CPSF6: variants seen among roughly 807,000 people sequenced by gnomAD.
The protein encoded by CPSF6 is cleavage and polyadenylation specificity factor subunit 6.
CPSF6 carries 10 observed loss-of-function variants against 56.7 expected under a neutral mutation model. The ratio of observed to expected loss-of-function variants is 0.18; its 90% CI spans 0.11 to 0.30. The LOEUF (loss-of-function observed/expected upper bound fraction) is 0.30, where lower values mean the gene tolerates loss of function less well. CPSF6 is among the 10% of genes least tolerant of loss of function. The pLI is 1.00. For missense variants in CPSF6, 419 were observed against 722.9 expected (o/e 0.58, Z 4.82); for synonymous variants, 248 against 244.8 (o/e 1.01, Z -0.12).
intron 1 of CPSF6, among the ~76,000 whole-genome samples, chr12:69,250,568 A>G (rs1304353772): frequency 6.9e-6 from 1 of 144,296 alleles, no homozygotes; most frequent in African/African-American, 2.6e-5. Context: ...AGCGTGGGCA[A>G]TGTAGCGAGA....
intron 9 of CPSF6, among the ~76,000 whole-genome samples, chr12:69,264,816 A>C (rs1025589794): frequency 2.1e-4 from 32 of 152,284 alleles, no homozygotes; most frequent in African/African-American, 7.2e-4. Flanking sequence ...GCTATCTGCA[A>C]ATTTGATCAC....
chr12:69,243,711 A>C (rs1871743072), intron 1 of CPSF6, among the ~76,000 whole-genome samples: 1 of 152,224 alleles, frequency 6.6e-6, no homozygotes, highest in African/African-American at 2.4e-5. Context: ...AGAGTCAGCA[A>C]GTGAGTGGTG....
intron 1 of CPSF6, among the ~76,000 whole-genome samples, chr12:69,248,016 C>T (rs1872005876): frequency 6.6e-6 from 1 of 152,172 alleles, no homozygotes; most frequent in African/African-American, 2.4e-5. Flanking sequence ...CGTACTACAA[C>T]CACTTGGAAG....
Position 69,258,176 on chromosome 12 carries a change from T to TA in CPSF6, c.694+272dup, listed in dbSNP as rs1872588753. The TA allele has an allele frequency of 1.7e-6, 2 of 1,170,064 alleles. No individual in the cohort carries two copies. The highest frequency in any genetic ancestry group is 5.1e-5 in the East Asian group (2 of 39,150). The allele number at this position is 1,170,064 out of a possible 1,614,324, so 72.5% of individuals were successfully genotyped here. On this transcript the variant is annotated intron_variant, in intron 5 of 9. Coordinates refer to ENST00000435070, the MANE Select transcript of CPSF6 (RefSeq NM_007007.3). The surrounding 1 kb of genome is among the most constrained non-coding windows in gnomAD (Gnocchi z 4.2). ...TATTTTTCTCCAAACTTGCTTGACT[T>TA]ATATATAGAATATTTACATCCGTCT...
In CPSF6 at chr12:69,269,351, C is replaced by T. The variant is rs139753741; in HGVS notation, c.*4-161C>T. ...TCATCAGGTAAATTGGAACATTTCA[C>T]CACCACAAAGGCAGCTACTGTTTCA... On this transcript the variant is annotated intron_variant, in intron 9 of 9. Coordinates refer to ENST00000435070, the MANE Select transcript of CPSF6 (RefSeq NM_007007.3). Among the ~76,000 whole-genome samples, 76 of 151,928 alleles carry T rather than the reference C, an allele frequency of 5.0e-4. No homozygotes were observed. In the East Asian group the frequency reaches 0.013, roughly 27 times the overall value.
chr12:69,249,488 G>A (rs1872120681), intron 1 of CPSF6, among the ~76,000 whole-genome samples: 1 of 151,994 alleles, frequency 6.6e-6, no homozygotes, highest in South Asian at 2.1e-4. Flanking sequence ...CTCCATATGT[G>A]CCATTTGTAT....
At chr12:69,261,546 CAGAG>C (rs145743607) in intron 8 of CPSF6, among the ~76,000 whole-genome samples, 3 of 149,720 alleles carry the variant, frequency 2.0e-5, no homozygotes, top group Admixed American at 6.7e-5. Flanking sequence ...GCCTGGGTGA[CAGAG>C]AGAGAGAGAG....
At chr12:69,245,337 AC>A (rs1871842629) in intron 1 of CPSF6, among the ~76,000 whole-genome samples, 1 of 152,186 alleles carries the variant, frequency 6.6e-6, no homozygotes, top group Non-Finnish European at 1.5e-5. Context: ...TAATCTGACC[AC>A]CTGGACCAAA....
chr12:69,244,295 G>A (rs1871775880), intron 1 of CPSF6, among the ~76,000 whole-genome samples: 1 of 152,040 alleles, frequency 6.6e-6, no homozygotes, highest in African/African-American at 2.4e-5. Context: ...AAGTGCAGTG[G>A]CGCGATCTTG....
chr12:69,251,122 A>G lies in CPSF6; in HGVS notation c.61-7A>G. On this transcript the variant is annotated splice_polypyrimidine_tract_variant and splice_region_variant and intron_variant, in intron 1 of 9. Transcript: ENST00000435070. ...GTATAATCTAGAGCATTATTTCTGT[A>G]TCTCAGGAAGCTGAATATGGTGGGC... 1.2e-6 allele frequency: 2 copies of G among 1,605,422 alleles called. No homozygotes were observed. Among genetic ancestry groups the G allele is most frequent in the Non-Finnish European group, 1.7e-6 (2 of 1,173,742 alleles).
Position 69,273,970 on chromosome 12 carries a change from A to G in CPSF6, c.*4462A>G, listed in dbSNP as rs1039304741. ...TGTATCATTTTACCAATATCCACGAATTACTGATCACAGTTTGTAAATAAT... is the reference window on the plus strand; with the variant it reads ...TGTATCATTTTACCAATATCCACGAGTTACTGATCACAGTTTGTAAATAAT... On this transcript the variant is annotated 3_prime_UTR_variant, in exon 10 of 10. Coordinates refer to ENST00000435070, the MANE Select transcript of CPSF6 (RefSeq NM_007007.3). 1.3e-5 allele frequency: 2 copies of G among 152,010 alleles called. No homozygotes were observed. The highest frequency in any genetic ancestry group is 2.9e-5 in the Non-Finnish European group (2 of 67,886). The allele number at this position is 152,010 out of a possible 1,614,324, so 9.4% of individuals were successfully genotyped here.
chr12:69,266,246 A>G (rs747858788), intron 9 of CPSF6, among the ~76,000 whole-genome samples: 7 of 151,846 alleles, frequency 4.6e-5, no homozygotes, highest in African/African-American at 7.3e-5. Flanking sequence ...TTGTTTTCCC[A>G]TGTATCCTAA....
chr12:69,244,225 T>TA, intron 1 of CPSF6, among the ~76,000 whole-genome samples: 1 of 152,116 alleles, frequency 6.6e-6, no homozygotes, highest in Admixed American at 6.5e-5. Context: ...ACTGTAAACT[T>TA]ACTTCTTTTT....
At chr12:69,254,616 A>G (rs1872418269) in intron 3 of CPSF6, among the ~76,000 whole-genome samples, 1 of 152,228 alleles carries the variant, frequency 6.6e-6, no homozygotes, top group East Asian at 1.9e-4. Context: ...CTCCAGCTCT[A>G]GAATGGTACC....
chr12:69,266,578 T>G (rs1872993573), intron 9 of CPSF6, among the ~76,000 whole-genome samples: 1 of 152,196 alleles, frequency 6.6e-6, no homozygotes, highest in Non-Finnish European at 1.5e-5. Flanking sequence ...TTGAGTAAAT[T>G]CTGTCTTGAA....
In CPSF6 at chr12:69,258,796, C is replaced by G. The variant is rs1269138352; in HGVS notation, c.901C>G (p.Pro301Ala). ...PLPPGPPPPV[P>A]GYGPPPGPPP... ...TCCTCCTGGCCCTCCACCTCCAGTT[C>G]CAGGCTACGGCCCCCCTCCTGGCCC... Residue 301 changes from proline to alanine, a missense_variant, in exon 6 of 10, where the codon CCA becomes GCA. Pro to Ala is a conservative substitution (Grantham distance 27). This residue lies in a region of CPSF6 where 211 missense variants were observed against 296.0 expected (regional missense o/e 0.71). Coordinates refer to ENST00000435070, the MANE Select transcript of CPSF6 (RefSeq NM_007007.3). The surrounding 1 kb of genome is among the most constrained non-coding windows in gnomAD (Gnocchi z 4.2). 4 of 1,614,006 alleles carry G rather than the reference C, an allele frequency of 2.5e-6. No individual in the cohort carries two copies. Among genetic ancestry groups the G allele is most frequent in the Non-Finnish European group, 3.4e-6 (4 of 1,179,950 alleles).
rs149215151 is a variant in CPSF6, at chr12:69,256,751, G to T, written c.429G>T (p.Leu143=). ...CATCTTCAAAAAAGTTAATGGATCT[G>T]TTACCTAAAAGAGAACTTCATGGTC... The part of the protein sequence containing the change: ...SEASSKKLMD[L]LPKRELHGQN... The change falls in exon 4 of 10, where the codon CTG becomes CTT. Residue 143 remains leucine, a synonymous_variant. Coordinates refer to ENST00000435070, the MANE Select transcript of CPSF6 (RefSeq NM_007007.3). 6.2e-7 allele frequency: 1 copy of T among 1,613,856 alleles called. No individual in the cohort carries two copies. The highest frequency in any genetic ancestry group is 8.5e-7 in the Non-Finnish European group (1 of 1,179,814).
intron 1 of CPSF6, among the ~76,000 whole-genome samples, chr12:69,240,309 C>G (rs1003121184): frequency 2.6e-5 from 4 of 152,216 alleles, no homozygotes; most frequent in African/African-American, 9.6e-5. Context: ...CAGGTTTCGG[C>G]GTGGCGCCTT....
At chr12:69,252,028 T>G in intron 2 of CPSF6, 1 of 456,006 alleles carries the variant, frequency 2.2e-6, no homozygotes, top group South Asian at 1.5e-5. Flanking sequence ...TTGGCACCCT[T>G]GCATTTCCTT....
Sources: gnomAD v4.1 joint callset for allele counts (sites outside exome capture counted in the v4.1 genomes callset) on GRCh38, gnomAD v4.1.1 for gene constraint, gnomAD v4.1.1 regional missense constraint, Gnocchi (gnomAD v3.1) non-coding constraint, MANE v1.5 for transcripts, NCBI Gene and HGNC (gene_info 2026-07-23, HGNC 2026-07-21) for gene names.